The following RNF112 variants were observed in gnomAD, a reference collection of about 807,000 sequenced individuals.
RNF112 encodes the protein ring finger protein 112, also known as brain finger protein.
In RNF112, 34 loss-of-function variants were observed where a neutral mutation model predicts 64.7. That is an observed-to-expected ratio of 0.53 (90% confidence interval 0.40 to 0.70). RNF112 has a LOEUF of 0.70. Ranked by LOEUF, RNF112 falls within the 30% of genes least tolerant of loss-of-function variation. The probability of loss-of-function intolerance (pLI) is 0.00; values close to 1 mark genes in which losing one functional copy is unlikely to be tolerated. For missense variants in RNF112, 734 were observed against 850.0 expected (o/e 0.86, Z 1.70); for synonymous variants, 345 against 344.5 (o/e 1.00, Z -0.02).
At position 19,412,607 on chromosome 17, in the gene RNF112, T is replaced by C; in HGVS notation, c.205T>C (p.Ser69Pro). 1 of 1,613,322 alleles carries C rather than the reference T, an allele frequency of 6.2e-7. No individual in the cohort carries two copies. Among genetic ancestry groups the C allele is most frequent in the Non-Finnish European group, 8.5e-7 (1 of 1,179,752 alleles). ...CCTGGAGAGGTTGCGCGACCCCATC[T>C]CGCTGGACTGTGGCCACGACTTCTG... ...ICLERLRDPI[S>P]LDCGHDFCIR... The change falls in exon 3 of 14, where the codon TCG becomes CCG. Residue 69 changes from serine (S) to proline (P), a missense_variant. Coordinates refer to ENST00000461366, the MANE Select transcript of RNF112 (RefSeq NM_007148.5). This position sits in a 1 kb window ranked among gnomAD's most constrained non-coding sequence, Gnocchi z 5.1.
In RNF112 at chr17:19,411,462, G is replaced by A. The variant is rs779601145; in HGVS notation, c.54G>A (p.Arg18=). Residue 18 remains arginine, a splice_region_variant and synonymous_variant, in exon 1 of 14, where the codon CGG becomes CGA. Transcript: ENST00000461366. The stretch of plus-strand genomic sequence containing the variant: ...CCTTTTGTCATCGGCTTGGCAAACG[G>A]GCAAGTCTTCAGTCCTAAGATCGGG... ...VTSFCHRLGK[R]ERKQSFMGNS... 7 of 1,610,302 alleles carry A rather than the reference G, an allele frequency of 4.3e-6. No homozygotes were observed. The highest frequency in any genetic ancestry group is 5.9e-6 in the Non-Finnish European group (7 of 1,178,986).
rs1424334697 is a variant in RNF112, at chr17:19,412,696, G to A, written c.294G>A (p.Arg98=). Residue 98 remains arginine (R), a synonymous_variant, in exon 3 of 14, where the codon CGG becomes CGA. Transcript: ENST00000461366. The surrounding 1 kb of genome is among the most constrained non-coding windows in gnomAD (Gnocchi z 5.1). ...GCEPPCCPEC[R]KICKQKRGLR... is the part of the protein sequence containing the mutation. ...AGCCGCCCTGCTGTCCTGAGTGCCG[G>A]AAGATATGCAAGCAGAAGAGGGGCC... 6.2e-7 allele frequency: 1 copy of A among 1,613,306 alleles called. No homozygotes were observed. Among genetic ancestry groups the A allele is most frequent in the Admixed American group, 1.7e-5 (1 of 59,916 alleles).
In RNF112 at chr17:19,415,081, A is replaced by T; in HGVS notation, c.1170A>T (p.Ser390=). The T allele has an allele frequency of 6.3e-7, 1 of 1,599,640 alleles. No homozygotes were observed. The highest frequency in any genetic ancestry group is 8.5e-7 in the Non-Finnish European group (1 of 1,174,620). Reference sequence around the variant, plus strand: ...GCCACCTTCTGGGGGCCTACGTCTCAGATGTGCTGAGTGCGGCCCCCCAGC... The same window carrying T: ...GCCACCTTCTGGGGGCCTACGTCTCTGATGTGCTGAGTGCGGCCCCCCAGC... ...DFRHLLGAYV[S]DVLSAAPQHA... is the part of the protein sequence containing the mutation. Residue 390 remains serine, a synonymous_variant, in exon 11 of 14, where the codon TCA becomes TCT. Transcript: ENST00000461366. This position sits in a 1 kb window ranked among gnomAD's most constrained non-coding sequence, Gnocchi z 7.8.
rs1455584101 is a variant in RNF112 at position 19,411,246 on chromosome 17, G to T, written c.-163G>T. ...TCCTGACTGTCACATTTCTTTTCCA[G>T]CTCTGACCGGGAGTCAGCTCCTCGG... On this transcript the variant is annotated 5_prime_UTR_variant, in exon 1 of 14. Transcript: ENST00000461366. 3.1e-6 allele frequency: 2 copies of T among 638,088 alleles called. No homozygotes were observed. The highest frequency in any genetic ancestry group is 5.5e-5 in the East Asian group (2 of 36,100). The allele number at this position is 638,088 out of a possible 1,614,324, so 39.5% of individuals were successfully genotyped here.
intron 10 of RNF112, 23 bp downstream of exon 10, chr17:19,414,910 C>T (rs773610783): frequency 1.9e-6 from 3 of 1,609,992 alleles, no homozygotes; most frequent in Non-Finnish European, 2.5e-6. Context: ...GAGAGCTGAA[C>T]CTCTCTTGCG....
Position 19,413,099 on chromosome 17 carries a change from G to A in RNF112, c.543G>A (p.Gly181=). 1 of 1,613,382 alleles carries A rather than the reference G, an allele frequency of 6.2e-7. No individual in the cohort carries two copies. The highest frequency in any genetic ancestry group is 1.3e-5 in the African/African-American group (1 of 75,036). The change falls in exon 4 of 14, where the codon GGG becomes GGA. Residue 181 remains glycine (G), a synonymous_variant. Transcript: ENST00000461366. This position sits in a 1 kb window ranked among gnomAD's most constrained non-coding sequence, Gnocchi z 5.9. ...CTGTCCTGGGGGAGCAGCACTCAGG[G>A]AAGTCCTTCCTCCTCAACCATTTGC... The part of the protein sequence containing the change: ...LLAVLGEQHS[G]KSFLLNHLLQ...
At position 19,412,458 on chromosome 17, in the gene RNF112, A is replaced by G. The variant is rs544355089; in HGVS notation, c.96-40A>G. 41 of 1,594,572 alleles carry G rather than the reference A, an allele frequency of 2.6e-5. No individual in the cohort carries two copies. Among genetic ancestry groups the G allele is most frequent in the East Asian group, 1.3e-4 (6 of 44,658 alleles). Reference sequence around the variant, plus strand: ...CCCTGGCCGGTACCCCCTGCCCCCAATAGACATCCTGCTTTTCAATGGCCT... The same window carrying G: ...CCCTGGCCGGTACCCCCTGCCCCCAGTAGACATCCTGCTTTTCAATGGCCT... On this transcript the variant is annotated intron_variant, in intron 2 of 13. Coordinates refer to ENST00000461366, the MANE Select transcript of RNF112 (RefSeq NM_007148.5). This position sits in a 1 kb window ranked among gnomAD's most constrained non-coding sequence, Gnocchi z 5.1.
At chr17:19,414,244 T>A (rs545888605) in intron 7 of RNF112, 99 bp downstream of exon 7, 19 of 1,214,076 alleles carry the variant, frequency 1.6e-5, no homozygotes, top group Non-Finnish European at 2.0e-5. Flanking sequence ...GGCCTAGGGT[T>A]TTATGACACT....
rs1913833256 is a variant in RNF112 at position 19,415,230 on chromosome 17, C to T, written c.1296+23C>T. The T allele has an allele frequency of 6.3e-7, 1 of 1,599,870 alleles. No homozygotes were observed. The highest frequency in any genetic ancestry group is 8.5e-7 in the Non-Finnish European group (1 of 1,176,354). The stretch of plus-strand genomic sequence containing the variant: ...AAGGTGTGAAAACTCCCTGGAGACC[C>T]AGGCGACTCGGCTGGGCCCCTGCTC... On this transcript the variant is annotated intron_variant, in intron 11 of 13. Coordinates refer to ENST00000461366, the MANE Select transcript of RNF112 (RefSeq NM_007148.5). The surrounding 1 kb of genome is among the most constrained non-coding windows in gnomAD (Gnocchi z 7.8).
In RNF112 at chr17:19,413,258, C is replaced by G. The variant is rs1041710135; in HGVS notation, c.589-22C>G. The stretch of plus-strand genomic sequence containing the variant: ...GGGACAAGGAACCGACCAACTGATG[C>G]TCTCCCTTCTCTCCCCTGCAGGAGT... On this transcript the variant is annotated intron_variant, in intron 4 of 13. Coordinates refer to ENST00000461366, the MANE Select transcript of RNF112 (RefSeq NM_007148.5). This position sits in a 1 kb window ranked among gnomAD's most constrained non-coding sequence, Gnocchi z 5.9. The G allele has an allele frequency of 1.3e-6, 2 of 1,597,100 alleles. No individual in the cohort carries two copies. The highest frequency in any genetic ancestry group is 2.2e-5 in the South Asian group (2 of 89,702).
At position 19,413,570 on chromosome 17, in the gene RNF112, T is replaced by G. The variant is rs376349049; in HGVS notation, c.721-7T>G. ...GCCCCTTGGGTCTTTCCCTACCCCC[T>G]GCATAGGTGGCGGTGTTCCTGGTGG... On this transcript the variant is annotated splice_region_variant and splice_polypyrimidine_tract_variant and intron_variant, in intron 5 of 13. Transcript: ENST00000461366. This position sits in a 1 kb window ranked among gnomAD's most constrained non-coding sequence, Gnocchi z 5.9. The G allele has an allele frequency of 6.0e-4, 971 of 1,611,494 alleles. 1 individual carries two copies. The highest frequency in any genetic ancestry group is 2.4e-3 in the Admixed American group (141 of 59,726).
Position 19,411,300 on chromosome 17 carries a change from C to A in RNF112, c.-109C>A. 1 of 1,033,802 alleles carries A rather than the reference C, an allele frequency of 9.7e-7. No individual in the cohort carries two copies. Among genetic ancestry groups the A allele is most frequent in the Non-Finnish European group, 1.4e-6 (1 of 703,274 alleles). 64.0% of individuals were successfully genotyped at this position (1,033,802 alleles called of 1,614,324 possible). A position where few individuals can be genotyped will look rare whatever the true frequency, so the allele number is the denominator to read the frequency against. On this transcript the variant is annotated 5_prime_UTR_variant, in exon 1 of 14. Coordinates refer to ENST00000461366, the MANE Select transcript of RNF112 (RefSeq NM_007148.5). The stretch of plus-strand genomic sequence containing the variant: ...TACCATCCCCCGACCTCACCTTCTA[C>A]CTACCGCAGCCTGCTAGCCTTTCCG...
chr17:19,415,775 C>T lies in RNF112; in HGVS notation c.1496C>T (p.Thr499Ile), dbSNP rs758850073. The T allele has an allele frequency of 5.1e-5, 82 of 1,613,538 alleles. No homozygotes were observed. Among genetic ancestry groups the T allele is most frequent in the Non-Finnish European group, 6.9e-5 (81 of 1,179,862 alleles). ...GACACCATGCGGAACCTCCTCTCCA[C>T]CCAGAAAGATGCCATTCTGGCCCGC... is the stretch of plus-strand genomic sequence containing the variant. ...LPDTMRNLLS[T>I]QKDAILARHG... Residue 499 changes from threonine (T) to isoleucine (I), a missense_variant, in exon 14 of 14, where the codon ACC becomes ATC. Transcript: ENST00000461366. The surrounding 1 kb of genome is among the most constrained non-coding windows in gnomAD (Gnocchi z 7.8).
chr17:19,411,771 G>A, intron 2 of RNF112, 101 bp downstream of exon 2: 2 of 1,279,698 alleles, frequency 1.6e-6, no homozygotes, highest in South Asian at 1.3e-5. Context: ...GCCCAGCCGG[G>A]AGGGCTGTCC....
In RNF112 at chr17:19,415,477, A is replaced by G. The variant is rs1445186454; in HGVS notation, c.1351-41A>G. The G allele has an allele frequency of 6.3e-7, 1 of 1,587,886 alleles. No homozygotes were observed. The highest frequency in any genetic ancestry group is 8.6e-7 in the Non-Finnish European group (1 of 1,167,040). ...AGGAAACAAGCAGCGCCCCTGGCTG[A>G]GAAGGAAGGAAGGAGGCAGCCTGGG... On this transcript the variant is annotated intron_variant, in intron 12 of 13. Coordinates refer to ENST00000461366, the MANE Select transcript of RNF112 (RefSeq NM_007148.5). This position sits in a 1 kb window ranked among gnomAD's most constrained non-coding sequence, Gnocchi z 7.8.
rs1178183611 is a variant in RNF112 at position 19,412,139 on chromosome 17, C to T, written c.96-359C>T. Among the ~76,000 whole-genome samples, 1 of 152,192 alleles carries T rather than the reference C, an allele frequency of 6.6e-6. No individual in the cohort carries two copies. Among genetic ancestry groups the T allele is most frequent in the Non-Finnish European group, 1.5e-5 (1 of 68,026 alleles). The stretch of plus-strand genomic sequence containing the variant: ...GCCCCATGAGGGGTATTGCTATCCT[C>T]TCCATTGGGACAGTTAGGAAATTGA... On this transcript the variant is annotated intron_variant, in intron 2 of 13. Transcript: ENST00000461366. The surrounding 1 kb of genome is among the most constrained non-coding windows in gnomAD (Gnocchi z 5.1).
rs895097438 is a variant in RNF112 at position 19,414,341 on chromosome 17, G to A, written c.877-108G>A. The A allele has an allele frequency of 1.3e-5, 18 of 1,373,612 alleles. No individual in the cohort carries two copies. The East Asian group carries it at 3.9e-4, about 30-fold the overall frequency. 85.1% of individuals were successfully genotyped at this position (1,373,612 alleles called of 1,614,324 possible). On this transcript the variant is annotated intron_variant, in intron 7 of 13. Transcript: ENST00000461366. ...CAGGAGAACCCCAGGCTGCAAAAGGGGGAGCCTAGCTCCTACAGCAGGCGT... is the reference window on the plus strand; with the variant it reads ...CAGGAGAACCCCAGGCTGCAAAAGGAGGAGCCTAGCTCCTACAGCAGGCGT...
In RNF112 at chr17:19,413,372, G is replaced by T; in HGVS notation, c.681G>T (p.Met227Ile). Residue 227 changes from methionine to isoleucine, a missense_variant, in exon 5 of 14, where the codon ATG becomes ATT. Met to Ile is a conservative substitution (Grantham distance 10, BLOSUM62 1). Coordinates refer to ENST00000461366, the MANE Select transcript of RNF112 (RefSeq NM_007148.5). The surrounding 1 kb of genome is among the most constrained non-coding windows in gnomAD (Gnocchi z 5.9). The stretch of plus-strand genomic sequence containing the variant: ...ATGGCCTCGCCAGGGGCATATGGAT[G>T]TGGAGCCACCCCTTCTTGCTGGGGA... ...GANGLARGIW[M>I]WSHPFLLGKE... 8.1e-6 allele frequency: 13 copies of T among 1,613,134 alleles called. No homozygotes were observed. Among genetic ancestry groups the T allele is most frequent in the Non-Finnish European group, 1.1e-5 (13 of 1,179,492 alleles).
chr17:19,415,309 G>A lies in RNF112; in HGVS notation c.1320G>A (p.Arg440=). The A allele has an allele frequency of 6.2e-7, 1 of 1,609,706 alleles. No homozygotes were observed. ...AGAACCTCTCAGGATGGATGGGGAG[G>A]ACAGGGCCCGGTTTCACCTCTCCGG... is the stretch of plus-strand genomic sequence containing the variant. The part of the protein sequence containing the change: ...EIKNLSGWMG[R]TGPGFTSPDE... The change falls in exon 12 of 14, where the codon AGG becomes AGA. Residue 440 remains arginine, a synonymous_variant. Coordinates refer to ENST00000461366, the MANE Select transcript of RNF112 (RefSeq NM_007148.5). The surrounding 1 kb of genome is among the most constrained non-coding windows in gnomAD (Gnocchi z 7.8).
Sources: allele counts gnomAD v4.1 joint callset (sites outside exome capture counted in the v4.1 genomes callset), GRCh38; gene constraint gnomAD v4.1.1; non-coding constraint Gnocchi (gnomAD v3.1); transcripts MANE v1.5; gene names NCBI Gene and HGNC (gene_info 2026-07-23, HGNC 2026-07-21).